The following PCDHA7 variants were observed in gnomAD, a reference collection of about 807,000 sequenced individuals.
PCDHA7 encodes the protein protocadherin alpha 7.
In PCDHA7, 37 loss-of-function variants were observed where a neutral mutation model predicts 57.2. The observed-to-expected ratio is 0.65, with a 90% CI of 0.50 to 0.85. PCDHA7 has a LOEUF of 0.85. Ranked by LOEUF, PCDHA7 falls within the 40% of genes least tolerant of loss-of-function variation. The pLI, the probability that PCDHA7 is intolerant of heterozygous loss-of-function variation, is 0.00. For synonymous variants in PCDHA7, 553 were observed against 558.8 expected, an observed-to-expected ratio of 0.99 and a Z score of 0.15; for missense variants, 1,188 against 1,241.8, an observed-to-expected ratio of 0.96 and a Z score of 0.65.
At chr5:140,884,501 G>T (rs2060219226) in intron 1 of PCDHA7, 2 of 1,614,146 alleles carry the variant, frequency 1.2e-6, no homozygotes, top group Non-Finnish European at 1.7e-6. Context: ...CTCCAGCGCG[G>T]CAGGGAGTTG....
chr5:140,949,636 T>A (rs1047386786), intron 1 of PCDHA7, among the ~76,000 whole-genome samples: 1 of 151,898 alleles, frequency 6.6e-6, no homozygotes, highest in Admixed American at 6.6e-5. Context: ...GGCATATTGC[T>A]TTTTGTTCAT....
intron 1 of PCDHA7, chr5:140,882,139 A>G (rs1185324508): frequency 6.0e-6 from 9 of 1,489,890 alleles, no homozygotes; most frequent in South Asian, 4.2e-5. Context: ...TGCAGAAAAT[A>G]TAGCAGAAAG....
Position 140,978,928 on chromosome 5 carries a change from ACT to A in PCDHA7, c.2356-16_2356-15del. ...CATTGTCTTGTCATTTTAACAGAAA[ACT>A]CTCTTTGTGATTTTGCAGCCACGAC... On this transcript the variant is annotated intron_variant, in intron 1 of 3. Coordinates refer to ENST00000525929, the MANE Select transcript of PCDHA7 (RefSeq NM_018910.3). The A allele has an allele frequency of 6.2e-7, 1 of 1,613,190 alleles. No homozygotes were observed. Among genetic ancestry groups the A allele is most frequent in the Admixed American group, 1.7e-5 (1 of 59,890 alleles).
At chr5:140,897,785 A>G (rs1246213890) in intron 1 of PCDHA7, among the ~76,000 whole-genome samples, 1 of 152,148 alleles carries the variant, frequency 6.6e-6, no homozygotes, top group Non-Finnish European at 1.5e-5. Context: ...CAATGGTTGA[A>G]CTAGTTTAGA....
At chr5:140,875,474 T>C (rs1369376569) in intron 1 of PCDHA7, 1 of 1,606,582 alleles carries the variant, frequency 6.2e-7, no homozygotes, top group Non-Finnish European at 8.5e-7. Flanking sequence ...TTTTCTGCAA[T>C]GGTGATTATC....
intron 1 of PCDHA7, among the ~76,000 whole-genome samples, chr5:140,880,863 T>C (rs1312869588): frequency 6.6e-6 from 1 of 152,170 alleles, no homozygotes; most frequent in Non-Finnish European, 1.5e-5. Flanking sequence ...TCTAATTATG[T>C]GAAGAGGTAA....
rs782329809 is a variant in PCDHA7 at position 140,857,982 on chromosome 5, G to A, written c.2355+21244G>A. 7 of 1,596,582 alleles carry A rather than the reference G, an allele frequency of 4.4e-6. 1 individual carries two copies. In the Admixed American group the frequency reaches 5.1e-5, roughly 12 times the overall value. ...GATGAGACTGACTCGCCACGCCAGC[G>A]CCTACTGGTGCTGGTGAAGGACCAT... On this transcript the variant is annotated intron_variant, in intron 1 of 3. Coordinates refer to ENST00000525929, the MANE Select transcript of PCDHA7 (RefSeq NM_018910.3).
At position 140,858,811 on chromosome 5, in the gene PCDHA7, T is replaced by A. The variant is rs2045603382; in HGVS notation, c.2355+22073T>A. The A allele has an allele frequency of 1.4e-5, 5 of 354,112 alleles. No homozygotes were observed. The South Asian group carries it at 1.7e-4, about 12-fold the overall frequency. The allele number at this position is 354,112 out of a possible 1,614,324, so 21.9% of individuals were successfully genotyped here. A position where few individuals can be genotyped will look rare whatever the true frequency, so the allele number is the denominator to read the frequency against. ...TTTCATTTCCAATCTAAATTTTGAT[T>A]TGATTGTATTTGCATTACCAAAAAA... On this transcript the variant is annotated intron_variant, in intron 1 of 3. Transcript: ENST00000525929.
intron 1 of PCDHA7, among the ~76,000 whole-genome samples, chr5:140,915,232 C>A (rs1554196813): frequency 1.3e-5 from 2 of 152,274 alleles, no homozygotes; most frequent in Admixed American, 6.5e-5. Flanking sequence ...CAGGCATGAG[C>A]CACCATGCCT....
At chr5:140,967,730 G>A (rs2096176474) in intron 1 of PCDHA7, 1 of 1,614,146 alleles carries the variant, frequency 6.2e-7, no homozygotes, top group Non-Finnish European at 8.5e-7. Context: ...AGTAATTGGG[G>A]GGCTGGATTA....
Position 140,896,173 on chromosome 5 carries a change from TTGCTATTGTGAATAG to T in PCDHA7, c.2355+59439_2355+59453del, listed in dbSNP as rs1554186855. On this transcript the variant is annotated intron_variant, in intron 1 of 3. Transcript: ENST00000525929. ...GGGCATTTAGGATTATTCTCTGTCT[TTGCTATTGTGAATAG>T]TGCCATGATGAACATACACATACAT... 2.6e-4 allele frequency among the ~76,000 whole-genome samples: 40 copies of T among 152,340 alleles called. 1 individual carries two copies. The East Asian group carries it at 5.2e-3, about 20-fold the overall frequency.
intron 1 of PCDHA7, among the ~76,000 whole-genome samples, chr5:140,943,236 TCA>T (rs1454947972): frequency 5.6e-5 from 7 of 124,930 alleles, no homozygotes; most frequent in African/African-American, 1.9e-4. Flanking sequence ...CCAGCCTGGG[TCA>T]CAGAGTGAGA....
intron 1 of PCDHA7, among the ~76,000 whole-genome samples, chr5:140,936,829 CTA>C (rs1370139349): frequency 5.9e-5 from 9 of 152,026 alleles, no homozygotes; most frequent in African/African-American, 1.7e-4. Flanking sequence ...CTTTGCATTT[CTA>C]TATAAATTGT....
intron 1 of PCDHA7, among the ~76,000 whole-genome samples, chr5:140,949,891 T>G (rs2094429972): frequency 6.6e-6 from 1 of 151,864 alleles, no homozygotes; most frequent in African/African-American, 2.4e-5. Context: ...TTCCTCAGAA[T>G]CTCTTTTAAT....
chr5:140,871,245 G>A, intron 1 of PCDHA7: 1 of 1,613,982 alleles, frequency 6.2e-7, no homozygotes, highest in Non-Finnish European at 8.5e-7. Flanking sequence ...TACTCACGCT[G>A]CTGCTGTATA....
At chr5:140,854,018 C>T (rs1041101905) in intron 1 of PCDHA7, 6 of 346,140 alleles carry the variant, frequency 1.7e-5, no homozygotes, top group East Asian at 1.7e-4. Context: ...AAAAATTAGC[C>T]GGGCATGGTG....
intron 1 of PCDHA7, chr5:140,861,620 A>G: frequency 2.9e-6 from 1 of 340,898 alleles, no homozygotes; most frequent in South Asian, 2.8e-5. Context: ...ACAACCTGCC[A>G]GTGTTCTCAG....
chr5:141,006,290 C>G (rs1465211339), intron 3 of PCDHA7, among the ~76,000 whole-genome samples: 5 of 152,050 alleles, frequency 3.3e-5, no homozygotes, highest in Non-Finnish European at 5.9e-5. Flanking sequence ...CAGCTCACTG[C>G]AAGCTCCACT....
intron 1 of PCDHA7, among the ~76,000 whole-genome samples, chr5:140,932,387 T>C (rs1419863335): frequency 6.6e-6 from 1 of 151,960 alleles, no homozygotes; most frequent in Non-Finnish European, 1.5e-5. Context: ...AAGTTATACA[T>C]AGTTTCAACA....
Sources: allele counts gnomAD v4.1 joint callset (sites outside exome capture counted in the v4.1 genomes callset), GRCh38; gene constraint gnomAD v4.1.1; transcripts MANE v1.5; gene names NCBI Gene and HGNC (gene_info 2026-07-23, HGNC 2026-07-21).